NXPE2: variants seen among roughly 807,000 people sequenced by gnomAD.
The protein encoded by NXPE2 is neurexophilin and PC-esterase domain family member 2.
In NXPE2, 34 loss-of-function variants were observed where a neutral mutation model predicts 34.4. The ratio of observed to expected loss-of-function variants is 0.99; its 90% confidence interval spans 0.75 to 1.31. The LOEUF (loss-of-function observed/expected upper bound fraction) is 1.31. Among genes scored for constraint, NXPE2 ranks in the 40% most tolerant of loss-of-function variants. The pLI is 0.00. For missense variants in NXPE2, 649 were observed against 672.5 expected, an observed-to-expected ratio of 0.97 and a Z score of 0.39; for synonymous variants, 235 against 231.3, an observed-to-expected ratio of 1.02 and a Z score of -0.15.
chr11:114,557,128 A>G, the NXPE2 span, among the ~76,000 whole-genome samples: 1 of 152,118 alleles, frequency 6.6e-6, no homozygotes, highest in Non-Finnish European at 1.5e-5. Context: ...TCCTGACCTC[A>G]AGTAATCTGC....
At chr11:114,748,021 A>G in the NXPE2 span, among the ~76,000 whole-genome samples, 57 of 152,070 alleles carry the variant, frequency 3.7e-4, no homozygotes, top group Non-Finnish European at 6.5e-4. Flanking sequence ...TCGTGAGATC[A>G]CCTTTATTAG....
the NXPE2 span, among the ~76,000 whole-genome samples, chr11:114,811,190 TG>T: frequency 1.8e-5 from 1 of 54,432 alleles, no homozygotes; most frequent in South Asian, 8.5e-4. Flanking sequence ...TGTTGTGGGG[TG>T]GGGGGAGGGG....
chr11:114,813,545 A>G, the NXPE2 span, among the ~76,000 whole-genome samples: 2 of 152,208 alleles, frequency 1.3e-5, no homozygotes, highest in African/African-American at 2.4e-5. Context: ...ATTTATGTGC[A>G]TGCATGCATG....
chr11:114,696,004 C>T (rs1294396528), intron 2 of NXPE2, among the ~76,000 whole-genome samples: 3 of 150,924 alleles, frequency 2.0e-5, no homozygotes, highest in Non-Finnish European at 4.4e-5. Context: ...GGTGACACAG[C>T]GAGACTCCAT....
the NXPE2 span, among the ~76,000 whole-genome samples, chr11:114,560,603 T>C: frequency 3.9e-5 from 6 of 152,076 alleles, no homozygotes; most frequent in Non-Finnish European, 7.4e-5. Flanking sequence ...ATCTAATAAA[T>C]GGGGAAGGAC....
chr11:114,661,836 C>G, the NXPE2 span, among the ~76,000 whole-genome samples: 1 of 151,898 alleles, frequency 6.6e-6, no homozygotes, highest in East Asian at 1.9e-4. Context: ...CAGAGGTTGA[C>G]AGAAAAAAAA....
the NXPE2 span, among the ~76,000 whole-genome samples, chr11:114,514,212 G>A: frequency 6.6e-6 from 1 of 152,122 alleles, no homozygotes; most frequent in Admixed American, 6.5e-5. Context: ...TGGATGCACA[G>A]CATTCTACTG....
chr11:114,472,976 AATTTT>A, the NXPE2 span, among the ~76,000 whole-genome samples: 1 of 152,184 alleles, frequency 6.6e-6, no homozygotes, highest in African/African-American at 2.4e-5. Context: ...TTTCAAGTGC[AATTTT>A]TTTTATCCTT....
the NXPE2 span, among the ~76,000 whole-genome samples, chr11:114,606,953 GATA>G: frequency 6.6e-6 from 1 of 151,952 alleles, no homozygotes; most frequent in East Asian, 1.9e-4. Context: ...TTATCCTGTG[GATA>G]ATAAGTGTTG....
At chr11:114,548,724 T>G in the NXPE2 span, among the ~76,000 whole-genome samples, 11 of 151,834 alleles carry the variant, frequency 7.2e-5, no homozygotes, top group South Asian at 2.3e-3. Flanking sequence ...ACTAAATGAA[T>G]TAAACACCCA....
At chr11:114,798,336 C>T in the NXPE2 span, among the ~76,000 whole-genome samples, 27 of 152,156 alleles carry the variant, frequency 1.8e-4, no homozygotes, top group East Asian at 5.2e-3. Flanking sequence ...CTGTAATCTT[C>T]ATCTCTTTCT....
At chr11:114,612,121 GATA>G in the NXPE2 span, among the ~76,000 whole-genome samples, 1 of 151,920 alleles carries the variant, frequency 6.6e-6, no homozygotes, top group Non-Finnish European at 1.5e-5. Context: ...TTACCTGGTG[GATA>G]ATAATTGTTG....
chr11:114,579,511 A>C, the NXPE2 span, among the ~76,000 whole-genome samples: 1 of 152,212 alleles, frequency 6.6e-6, no homozygotes, highest in Non-Finnish European at 1.5e-5. Flanking sequence ...CCCATGCTTT[A>C]CTTGTGTCTA....
the NXPE2 span, among the ~76,000 whole-genome samples, chr11:114,623,815 G>A: frequency 3.3e-5 from 5 of 151,958 alleles, no homozygotes; most frequent in East Asian, 3.9e-4. Flanking sequence ...GAATTGCCTC[G>A]TGGGTAACCA....
chr11:114,783,767 A>T, the NXPE2 span, among the ~76,000 whole-genome samples: 2 of 152,170 alleles, frequency 1.3e-5, no homozygotes, highest in Admixed American at 6.5e-5. Context: ...TCTCAAATTC[A>T]TCTTTTGCAC....
chr11:114,779,478 G>T, the NXPE2 span, among the ~76,000 whole-genome samples: 1 of 152,120 alleles, frequency 6.6e-6, no homozygotes, highest in Admixed American at 6.5e-5. Flanking sequence ...GGAGCCACTT[G>T]GAGCGGGGAG....
the NXPE2 span, among the ~76,000 whole-genome samples, chr11:114,630,786 TTAA>T: frequency 6.6e-6 from 1 of 150,848 alleles, no homozygotes; most frequent in African/African-American, 2.5e-5. Context: ...TGATAAAGGG[TTAA>T]TATCCAGAAT....
chr11:114,682,301 C>A (rs1486847837), intron 2 of NXPE2, among the ~76,000 whole-genome samples: 1 of 152,174 alleles, frequency 6.6e-6, no homozygotes, highest in Non-Finnish European at 1.5e-5. Context: ...GTGCTTTTGA[C>A]ATTAATGATT....
the NXPE2 span, among the ~76,000 whole-genome samples, chr11:114,523,404 G>T: frequency 2.0e-5 from 3 of 152,010 alleles, no homozygotes; most frequent in South Asian, 6.2e-4. Flanking sequence ...GGTGACTTCT[G>T]TCTTTGTCTC....
Sources: allele counts gnomAD v4.1 joint callset (sites outside exome capture counted in the v4.1 genomes callset), GRCh38; gene constraint gnomAD v4.1.1; transcripts MANE v1.5; gene names NCBI Gene and HGNC (gene_info 2026-07-23, HGNC 2026-07-21).